The following HIBCH variants were observed in gnomAD, a reference collection of about 807,000 sequenced individuals.
HIBCH encodes 3-hydroxyisobutyryl-CoA hydrolase, also known as 3-hydroxyisobutyryl-CoA hydrolase, mitochondrial.
In HIBCH, 50 loss-of-function variants were observed where a neutral mutation model predicts 58.2. The observed-to-expected ratio is 0.86, with a 90% CI of 0.68 to 1.09. The LOEUF is 1.09. Ranked by LOEUF, HIBCH falls within the 50% of genes least tolerant of loss-of-function variation. The pLI is 0.00. For missense variants in HIBCH, 450 were observed against 449.7 expected, an observed-to-expected ratio of 1.00 and a Z score of -0.01; for synonymous variants, 151 against 146.9, an observed-to-expected ratio of 1.03 and a Z score of -0.20.
Position 190,205,128 on chromosome 2 carries a change from A to C in HIBCH, c.1150T>G (p.Leu384Val). Residue 384 changes from leucine to valine, a missense_variant, in exon 14 of 14, where the codon TTG becomes GTG. By Grantham distance (32) the Leu-to-Val change is conservative (BLOSUM62 1). Coordinates refer to ENST00000359678, the MANE Select transcript of HIBCH (RefSeq NM_014362.4). ...NHFKSLGSSD[L>V]KF The stretch of plus-strand genomic sequence containing the variant: ...AAAAGCCTGTCACCTCAAAATTTCA[A>C]ATCACTGCTTCCCAAAGACTTAAAG... The C allele has an allele frequency of 6.3e-7, 1 of 1,594,090 alleles. No individual in the cohort carries two copies. Among genetic ancestry groups the C allele is most frequent in the Non-Finnish European group, 8.6e-7 (1 of 1,163,684 alleles).
At chr2:190,250,335 A>G in intron 8 of HIBCH, 1 of 463,590 alleles carries the variant, frequency 2.2e-6, no homozygotes, top group Non-Finnish European at 4.5e-6. Flanking sequence ...TCCTCCTTTC[A>G]ATTCTTTGAG....
intron 4 of HIBCH, among the ~76,000 whole-genome samples, chr2:190,291,743 C>T (rs907736523): frequency 1.3e-5 from 2 of 152,186 alleles, no homozygotes; most frequent in African/African-American, 4.8e-5. Flanking sequence ...TTGCAATCTT[C>T]TATTACCCAG....
intron 11 of HIBCH, among the ~76,000 whole-genome samples, chr2:190,227,977 G>A (rs2105916778): frequency 6.6e-6 from 1 of 152,268 alleles, no homozygotes; most frequent in Non-Finnish European, 1.5e-5. Flanking sequence ...TTCAACCATT[G>A]TGGAAGACAG....
Position 190,227,570 on chromosome 2 carries a change from G to A in HIBCH, c.892-14495C>T, listed in dbSNP as rs147024463. ...GCAACAAAAGCCAAAATTGACAAAT[G>A]GGATCTAATTAAACAGCAAAAGAAA... On this transcript the variant is annotated intron_variant, in intron 11 of 13. Coordinates refer to ENST00000359678, the MANE Select transcript of HIBCH (RefSeq NM_014362.4). 1.7e-3 allele frequency among the ~76,000 whole-genome samples: 260 copies of A among 152,158 alleles called. 2 individuals are homozygous for A. The highest frequency in any genetic ancestry group is 6.1e-3 in the African/African-American group (254 of 41,526).
chr2:190,218,085 AC>A (rs1312592717), intron 11 of HIBCH, among the ~76,000 whole-genome samples: 1 of 147,770 alleles, frequency 6.8e-6, no homozygotes, highest in Non-Finnish European at 1.5e-5. Context: ...TAAAACCTCC[AC>A]CCCCACCCCC....
intron 11 of HIBCH, among the ~76,000 whole-genome samples, chr2:190,224,664 A>C (rs139012842): frequency 2.6e-5 from 4 of 152,210 alleles, no homozygotes; most frequent in Non-Finnish European, 5.9e-5. Context: ...AAAGAGACTC[A>C]GACTCCCACA....
Position 190,252,195 on chromosome 2 carries a change from T to C in HIBCH, c.630A>G (p.Ala210=), listed in dbSNP as rs761410481. Reference sequence around the variant, plus strand: ...AATCTACAAAGTGTGTAGCAATTCCTGCTCTGTACACATCTCTTCCTTTTA... The same window carrying C: ...AATCTACAAAGTGTGTAGCAATTCCCGCTCTGTACACATCTCTTCCTTTTA... ...FRLKGRDVYR[A]GIATHFVDSE... Residue 210 remains alanine (A), a synonymous_variant, in exon 8 of 14, where the codon GCA becomes GCG. Transcript: ENST00000359678. The C allele has an allele frequency of 2.5e-6, 4 of 1,613,940 alleles. No individual in the cohort carries two copies. In the Admixed American group the frequency reaches 5.0e-5, roughly 20 times the overall value.
chr2:190,205,065 T>G lies in HIBCH; in HGVS notation c.*52A>C. On this transcript the variant is annotated 3_prime_UTR_variant, in exon 14 of 14. Transcript: ENST00000359678. ...GGCAGCAGGCTGGATTTGGCCCACA[T>G]GCTGTAGATTGCCAACCCATGCTAC... 1.1e-6 allele frequency: 1 copy of G among 945,042 alleles called. No homozygotes were observed. Among genetic ancestry groups the G allele is most frequent in the Non-Finnish European group, 1.7e-6 (1 of 580,334 alleles). 58.5% of individuals were successfully genotyped at this position (945,042 alleles called of 1,614,324 possible).
intron 2 of HIBCH, 114 bp downstream of exon 2, chr2:190,310,640 T>C (rs1688532867): frequency 4.7e-6 from 4 of 859,362 alleles, no homozygotes; most frequent in Non-Finnish European, 8.1e-6. Flanking sequence ...TTGAGAACCA[T>C]GATGTACCTA....
intron 2 of HIBCH, among the ~76,000 whole-genome samples, chr2:190,307,712 A>G (rs2124853158): frequency 9.7e-6 from 1 of 102,750 alleles, no homozygotes; most frequent in Admixed American, 8.0e-5. Context: ...TGGAGAAAGA[A>G]GAAAAAAAAA....
chr2:190,197,306 G>A lies in HIBCH; in HGVS notation c.*18-7309C>T, dbSNP rs141388320. ...CATTTCTTGAGTAGTAACTAAATACGAAAGTGTTCAATGAGATTGCTCCAC... is the reference window on the plus strand; with the variant it reads ...CATTTCTTGAGTAGTAACTAAATACAAAAGTGTTCAATGAGATTGCTCCAC... On this transcript the variant is annotated intron_variant, in intron 1 of 1. Coordinates refer to the HIBCH transcript ENST00000399855. This position sits in a 1 kb window ranked among gnomAD's most constrained non-coding sequence, Gnocchi z 4.0. Among the ~76,000 whole-genome samples, 630 of 152,232 alleles carry A rather than the reference G, an allele frequency of 4.1e-3. 1 individual carries two copies. The highest frequency in any genetic ancestry group is 0.014 in the African/African-American group (581 of 41,534).
rs190216259 is a variant in HIBCH at position 190,271,125 on chromosome 2, A to T, written c.439-9891T>A. On this transcript the variant is annotated intron_variant, in intron 6 of 13. Coordinates refer to ENST00000359678, the MANE Select transcript of HIBCH (RefSeq NM_014362.4). ...CTACTCTTCTCAAATCTTAGTAAATAGTGCCACCATTTATTCCATGGCCCA... is the reference window on the plus strand; with the variant it reads ...CTACTCTTCTCAAATCTTAGTAAATTGTGCCACCATTTATTCCATGGCCCA... Among the ~76,000 whole-genome samples, 437 of 152,106 alleles carry T rather than the reference A, an allele frequency of 2.9e-3. 10 individuals are homozygous for T. Among genetic ancestry groups the T allele is most frequent in the Non-Finnish European group, 1.0e-3 (68 of 67,992 alleles).
intron 1 of HIBCH, among the ~76,000 whole-genome samples, chr2:190,192,310 C>G (rs1187350380): frequency 3.3e-5 from 5 of 152,060 alleles, no homozygotes; most frequent in Admixed American, 6.6e-5. Flanking sequence ...AGGTTTGTGG[C>G]TAGCCTTTTG....
intron 3 of HIBCH, among the ~76,000 whole-genome samples, chr2:190,296,355 G>C (rs977740003): frequency 4.0e-5 from 6 of 151,190 alleles, no homozygotes; most frequent in African/African-American, 1.5e-4. Flanking sequence ...GGGAGGTGGA[G>C]CTTGCAGTGA....
intron 1 of HIBCH, chr2:190,311,022 G>A (rs1398987168): frequency 4.1e-5 from 28 of 674,850 alleles, no homozygotes; most frequent in African/African-American, 1.1e-4. Flanking sequence ...AAATGTGGAC[G>A]TAACCAAGAT....
chr2:190,250,270 G>T (rs1686725809), intron 8 of HIBCH: 2 of 402,270 alleles, frequency 5.0e-6, no homozygotes, highest in South Asian at 3.9e-5. Context: ...CTTAAGGCCG[G>T]CTGTACTGCA....
downstream of HIBCH, chr2:190,200,701 G>GTAAC (rs1690207925): frequency 5.9e-6 from 1 of 169,734 alleles, no homozygotes; most frequent in South Asian, 2.0e-4. Context: ...GATGAGAAGT[G>GTAAC]TAACTACCAC....
rs1374713973 is a variant in HIBCH, at chr2:190,290,327, T to C, written c.385+78A>G. 47 of 985,584 alleles carry C rather than the reference T, an allele frequency of 4.8e-5. No homozygotes were observed. In the Admixed American group the frequency reaches 7.3e-4, roughly 15 times the overall value. 61.1% of individuals were successfully genotyped at this position (985,584 alleles called of 1,614,324 possible). A position where few individuals can be genotyped will look rare whatever the true frequency, so the allele number is the denominator to read the frequency against. ...AAGTTTAAGTAAGGATGCCTATTGA[T>C]TGCATTTTTAACAAAGTACATACTG... On this transcript the variant is annotated intron_variant, in intron 5 of 13. Transcript: ENST00000359678.
intron 11 of HIBCH, among the ~76,000 whole-genome samples, chr2:190,223,929 C>A (rs924618912): frequency 4.6e-5 from 7 of 152,218 alleles, no homozygotes; most frequent in Non-Finnish European, 1.0e-4. Flanking sequence ...GTGCAGTCCA[C>A]AGAATATGAG....
Sources: gnomAD v4.1 joint callset for allele counts (sites outside exome capture counted in the v4.1 genomes callset) on GRCh38, gnomAD v4.1.1 for gene constraint, Gnocchi (gnomAD v3.1) non-coding constraint, MANE v1.5 for transcripts, NCBI Gene and HGNC (gene_info 2026-07-23, HGNC 2026-07-21) for gene names.